KCNAB3: variants seen among roughly 807,000 people sequenced by gnomAD.
KCNAB3 encodes the protein potassium voltage-gated channel subfamily A regulatory beta subunit 3.
In KCNAB3, 62 loss-of-function variants were observed where a neutral mutation model predicts 67.7. That is an observed-to-expected ratio of 0.92 (90% confidence interval 0.75 to 1.13). The LOEUF (loss-of-function observed/expected upper bound fraction) is 1.13. Ranked by LOEUF, KCNAB3 falls within the 50% of genes most tolerant of loss-of-function variation. The pLI is 0.00. For missense variants in KCNAB3, 514 were observed against 522.9 expected, an observed-to-expected ratio of 0.98 and a Z score of 0.17; for synonymous variants, 212 against 205.4, an observed-to-expected ratio of 1.03 and a Z score of -0.27.
In KCNAB3 at chr17:7,929,802, CGA is replaced by C; in HGVS notation, c.-369_-368del. On this transcript the variant is annotated 5_prime_UTR_variant, in exon 1 of 14. Transcript: ENST00000303790. This position sits in a 1 kb window ranked among gnomAD's most constrained non-coding sequence, Gnocchi z 5.7. ...GCGGGAGAGAGATGCCACTTCAGCGCGAACCGCTGCGGGACCCGCTGGGCTCC... is the reference window on the plus strand; with the variant it reads ...GCGGGAGAGAGATGCCACTTCAGCGCACCGCTGCGGGACCCGCTGGGCTCC... 1.9e-6 allele frequency: 2 copies of C among 1,064,144 alleles called. No individual in the cohort carries two copies. The highest frequency in any genetic ancestry group is 2.8e-5 in the South Asian group (1 of 35,326). 65.9% of individuals were successfully genotyped at this position (1,064,144 alleles called of 1,614,324 possible).
At position 7,929,601 on chromosome 17, in the gene KCNAB3, G is replaced by A; in HGVS notation, c.-166C>T. 2 of 1,435,956 alleles carry A rather than the reference G, an allele frequency of 1.4e-6. No homozygotes were observed. The highest frequency in any genetic ancestry group is 1.8e-6 in the Non-Finnish European group (2 of 1,103,786). 89.0% of individuals were successfully genotyped at this position (1,435,956 alleles called of 1,614,324 possible). On this transcript the variant is annotated 5_prime_UTR_variant, in exon 1 of 14. Coordinates refer to ENST00000303790, the MANE Select transcript of KCNAB3 (RefSeq NM_004732.4). The surrounding 1 kb of genome is among the most constrained non-coding windows in gnomAD (Gnocchi z 5.7). ...AGGCAGGATCGGGCCCGCGGGGGCG[G>A]GCTGCTGGAGGTCGCGAGGTTTGCG... is the stretch of plus-strand genomic sequence containing the variant.
At position 7,927,333 on chromosome 17, in the gene KCNAB3, C is replaced by G. The variant is rs1972266091; in HGVS notation, c.404+11G>C. ...CCAAATGGAGCTTAGCTCTTTCACCCCAGTCCTTACTTTCCTGCTGCGTAC... is the reference window on the plus strand; with the variant it reads ...CCAAATGGAGCTTAGCTCTTTCACCGCAGTCCTTACTTTCCTGCTGCGTAC... On this transcript the variant is annotated intron_variant, in intron 4 of 13. Transcript: ENST00000303790. 6.2e-7 allele frequency: 1 copy of G among 1,612,384 alleles called. No individual in the cohort carries two copies. The highest frequency in any genetic ancestry group is 1.1e-5 in the South Asian group (1 of 91,066).
At chr17:7,925,585 T>C in intron 7 of KCNAB3, 98 bp downstream of exon 7, 1 of 958,070 alleles carries the variant, frequency 1.0e-6, no homozygotes, top group Non-Finnish European at 1.7e-6. Flanking sequence ...CATGGCCACC[T>C]AAATCCCTAT....
Position 7,928,932 on chromosome 17 carries a change from AG to A in KCNAB3, c.242+261del, listed in dbSNP as rs561247315. 1.6e-3 allele frequency among the ~76,000 whole-genome samples: 243 copies of A among 152,234 alleles called. 1 individual carries two copies. Among genetic ancestry groups the A allele is most frequent in the Non-Finnish European group, 1.4e-3 (98 of 67,994 alleles). ...AGATCCATGCATCCCTGACCTTCCC[AG>A]GGGTAAGGAGGGAAGCTCAGGGGCA... On this transcript the variant is annotated intron_variant, in intron 1 of 13. Coordinates refer to ENST00000303790, the MANE Select transcript of KCNAB3 (RefSeq NM_004732.4).
chr17:7,923,111 G>A lies in KCNAB3; in HGVS notation c.1206C>T (p.Ser402=), dbSNP rs1972096183. ...CTGCGCCCGCGACAGACTACTTCTTGGAATGCGGCTTGTTTCCCAGGAGCC... is the reference window on the plus strand; with the variant it reads ...CTGCGCCCGCGACAGACTACTTCTTAGAATGCGGCTTGTTTCCCAGGAGCC... ...IDGLLGNKPH[S]KK Residue 402 remains serine, a synonymous_variant, in exon 14 of 14, where the codon TCC becomes TCT. Transcript: ENST00000303790. 2 of 1,614,166 alleles carry A rather than the reference G, an allele frequency of 1.2e-6. No individual in the cohort carries two copies. Among genetic ancestry groups the A allele is most frequent in the African/African-American group, 2.7e-5 (2 of 75,046 alleles).
rs866253700 is a variant in KCNAB3 at position 7,924,573 on chromosome 17, A to G, written c.626-73T>C. On this transcript the variant is annotated intron_variant, in intron 8 of 13. Coordinates refer to ENST00000303790, the MANE Select transcript of KCNAB3 (RefSeq NM_004732.4). ...TAAGACTCCAGATTTGCAGACCTCCACCTGCCCCACCAAGGCCCCAGGCAA... is the reference window on the plus strand; with the variant it reads ...TAAGACTCCAGATTTGCAGACCTCCGCCTGCCCCACCAAGGCCCCAGGCAA... The G allele has an allele frequency of 4.0e-5, 60 of 1,503,858 alleles. 1 individual carries two copies. In the Middle Eastern group the frequency reaches 3.6e-3, roughly 89 times the overall value. 93.2% of individuals were successfully genotyped at this position (1,503,858 alleles called of 1,614,324 possible). A position where few individuals can be genotyped will look rare whatever the true frequency, so the allele number is the denominator to read the frequency against.
intron 7 of KCNAB3, 95 bp downstream of exon 7, chr17:7,925,588 A>C (rs934709583): frequency 6.6e-5 from 85 of 1,290,696 alleles, no homozygotes; most frequent in Non-Finnish European, 9.3e-5. Context: ...GGCCACCTAA[A>C]TCCCTATTCA....
intron 4 of KCNAB3, 140 bp downstream of exon 4, chr17:7,927,204 C>T: frequency 1.3e-6 from 1 of 783,858 alleles, no homozygotes; most frequent in Non-Finnish European, 2.2e-6. Flanking sequence ...TCCTACAGTG[C>T]TTTCGGGTCC....
Position 7,925,962 on chromosome 17 carries a change from C to T in KCNAB3, c.463G>A (p.Val155Ile), listed in dbSNP as rs1379534437. ...KSKGWRRSSY[V>I]ITTKIFWGGQ... ...CCCCAAAAAATCTTGGTAGTGATGACATAGCTTGATCTCCTGGAAGAATAG... is the reference window on the plus strand; with the variant it reads ...CCCCAAAAAATCTTGGTAGTGATGATATAGCTTGATCTCCTGGAAGAATAG... The change falls in exon 6 of 14, where the codon GTC (valine) becomes ATC (isoleucine). Residue 155 changes from valine (V) to isoleucine (I), a missense_variant. Coordinates refer to ENST00000303790, the MANE Select transcript of KCNAB3 (RefSeq NM_004732.4). 1.9e-6 allele frequency: 3 copies of T among 1,611,630 alleles called. No homozygotes were observed. The highest frequency in any genetic ancestry group is 1.7e-5 in the Admixed American group (1 of 59,600).
At chr17:7,925,240 G>T (rs10852894) in intron 7 of KCNAB3, 57 bp from the exon 8 acceptor site, 753,311 of 1,437,102 alleles carry the variant, frequency 0.52, 208,304 homozygotes, top group East Asian at 0.99. Flanking sequence ...TACTAAGAAT[G>T]CAGGCCACCA....
At chr17:7,925,615 A>T (rs1972202417) in intron 7 of KCNAB3, 68 bp downstream of exon 7, 2 of 1,526,370 alleles carry the variant, frequency 1.3e-6, no homozygotes, top group Non-Finnish European at 1.8e-6. Context: ...CCAGAAGTTC[A>T]GAGAATGTTC....
intron 3 of KCNAB3, 100 bp from the exon 4 acceptor site, chr17:7,927,523 TCC>T: frequency 6.7e-7 from 1 of 1,500,778 alleles, no homozygotes; most frequent in Non-Finnish European, 9.3e-7. Flanking sequence ...CTCTAGTCTC[TCC>T]CCTCTCCCCA....
chr17:7,923,194 G>GAC lies in KCNAB3; in HGVS notation c.1138-17_1138-16dup. On this transcript the variant is annotated splice_polypyrimidine_tract_variant and intron_variant, in intron 13 of 13. Coordinates refer to ENST00000303790, the MANE Select transcript of KCNAB3 (RefSeq NM_004732.4). ...TGGCTCAGCACCTGGAGGAGAGTGG[G>GAC]ACGGTGGCGACGGCAGCCCATGCTG... The GAC allele has an allele frequency of 1.2e-6, 2 of 1,612,270 alleles. No homozygotes were observed. Among genetic ancestry groups the GAC allele is most frequent in the Non-Finnish European group, 1.7e-6 (2 of 1,178,278 alleles).
rs1972356741 is a variant in KCNAB3, at chr17:7,929,507, C to CG, written c.-73dup. The CG allele has an allele frequency of 2.6e-6, 4 of 1,529,022 alleles. No homozygotes were observed. In the Admixed American group the frequency reaches 6.0e-5, roughly 23 times the overall value. 94.7% of individuals were successfully genotyped at this position (1,529,022 alleles called of 1,614,324 possible). On this transcript the variant is annotated 5_prime_UTR_variant, in exon 1 of 14. Transcript: ENST00000303790. This position sits in a 1 kb window ranked among gnomAD's most constrained non-coding sequence, Gnocchi z 5.7. ...GGGAGCAGGGAAGCCCGAGGGCTGACGACCGGGGGCGTAGTGGGGCGAACC... is the reference window on the plus strand; with the variant it reads ...GGGAGCAGGGAAGCCCGAGGGCTGACGGACCGGGGGCGTAGTGGGGCGAACC...
Position 7,924,238 on chromosome 17 carries a change from T to G in KCNAB3, c.739A>C (p.Asn247His), listed in dbSNP as rs1338822840. ...TGTTCACACACTGGAGGAATCAGAT[T>G]GAACTGTCTGGCCATGGAGTAGGCC... ...MEAYSMARQF[N>H]LIPPVCEQAE... The change falls in exon 10 of 14, where the codon AAT becomes CAT. Residue 247 changes from asparagine to histidine, a missense_variant. Asn to His is a moderately conservative substitution (Grantham distance 68, BLOSUM62 1). Coordinates refer to ENST00000303790, the MANE Select transcript of KCNAB3 (RefSeq NM_004732.4). 1 of 1,614,210 alleles carries G rather than the reference T, an allele frequency of 6.2e-7. No homozygotes were observed. The highest frequency in any genetic ancestry group is 1.1e-5 in the South Asian group (1 of 91,084).
At chr17:7,927,552 C>T in intron 3 of KCNAB3, 105 bp downstream of exon 3, 4 of 1,527,114 alleles carry the variant, frequency 2.6e-6, no homozygotes, top group Non-Finnish European at 2.7e-6. Flanking sequence ...AGCCTCAGAT[C>T]CCTCATTCCC....
intron 1 of KCNAB3, chr17:7,928,304 G>A: frequency 5.1e-6 from 1 of 196,094 alleles, no homozygotes; most frequent in Non-Finnish European, 1.1e-5. Flanking sequence ...GGGGTCCCTG[G>A]CTAGGCTAGG....
In KCNAB3 at chr17:7,929,649, G is replaced by A; in HGVS notation, c.-214C>T. The A allele has an allele frequency of 4.9e-6, 7 of 1,423,804 alleles. No individual in the cohort carries two copies. Among genetic ancestry groups the A allele is most frequent in the Non-Finnish European group, 6.4e-6 (7 of 1,096,144 alleles). The allele number at this position is 1,423,804 out of a possible 1,614,324, so 88.2% of individuals were successfully genotyped here. ...GCGGCGGGAGGGAAGAAACGTGGGG[G>A]GCGCCAGGAGTGGAGATATTCAGTT... On this transcript the variant is annotated 5_prime_UTR_variant, in exon 1 of 14. Transcript: ENST00000303790. The surrounding 1 kb of genome is among the most constrained non-coding windows in gnomAD (Gnocchi z 5.7).
intron 7 of KCNAB3, 106 bp downstream of exon 7, chr17:7,925,577 T>C (rs770635050): frequency 2.0e-6 from 2 of 1,005,916 alleles, no homozygotes; most frequent in Admixed American, 1.9e-5. Context: ...CCCCTTGCCA[T>C]GGCCACCTAA....
Sources: gnomAD v4.1 joint callset for allele counts (sites outside exome capture counted in the v4.1 genomes callset) on GRCh38, gnomAD v4.1.1 for gene constraint, Gnocchi (gnomAD v3.1) non-coding constraint, MANE v1.5 for transcripts, NCBI Gene and HGNC (gene_info 2026-07-23, HGNC 2026-07-21) for gene names.